The following PMS1 variants were observed in gnomAD, a reference collection of about 807,000 sequenced individuals.
PMS1 encodes the protein PMS1 protein homolog 1.
PMS1 carries 79 observed loss-of-function variants against 93.1 expected under a neutral mutation model. The ratio of observed to expected loss-of-function variants is 0.85; its 90% CI spans 0.71 to 1.02. PMS1 has a LOEUF of 1.02. Ranked by LOEUF, PMS1 falls within the 50% of genes least tolerant of loss-of-function variation. The pLI, the probability that PMS1 is intolerant of heterozygous loss-of-function variation, is 0.00. For synonymous variants in PMS1, 335 were observed against 363.4 expected (o/e 0.92, Z 0.89); for missense variants, 1,064 against 1,085.3 (o/e 0.98, Z 0.28).
chr2:189,840,844 A>G (rs1458309101), intron 5 of PMS1, among the ~76,000 whole-genome samples: 1 of 152,190 alleles, frequency 6.6e-6, no homozygotes, highest in Non-Finnish European at 1.5e-5. Context: ...TGAGAACCCC[A>G]GTGTACTCCT....
At chr2:189,796,318 A>G (rs868552868) in intron 3 of PMS1, among the ~76,000 whole-genome samples, 1 of 152,190 alleles carries the variant, frequency 6.6e-6, no homozygotes, top group Non-Finnish European at 1.5e-5. Context: ...AGATCATGCC[A>G]CTGCACTCCC....
At chr2:189,868,394 G>A (rs1420162295) in intron 11 of PMS1, among the ~76,000 whole-genome samples, 2 of 152,134 alleles carry the variant, frequency 1.3e-5, no homozygotes, top group Admixed American at 1.3e-4. Flanking sequence ...CCATGGCTTT[G>A]GTAAAAGACT....
intron 11 of PMS1, among the ~76,000 whole-genome samples, chr2:189,869,972 T>A (rs757047054): frequency 3.3e-5 from 5 of 152,182 alleles, no homozygotes; most frequent in Non-Finnish European, 7.3e-5. Context: ...TTGTAAGTAG[T>A]ATTTTTTTAA....
At position 189,855,070 on chromosome 2, in the gene PMS1, G is replaced by T; in HGVS notation, c.1798G>T (p.Asp600Tyr). The T allele has an allele frequency of 6.2e-7, 1 of 1,613,310 alleles. No homozygotes were observed. Among genetic ancestry groups the T allele is most frequent in the African/African-American group, 1.3e-5 (1 of 75,020 alleles). ...AGAAAATCCTAAGACTAGTTTAGAG[G>T]ATGCAACACTACAAATTGAAGAACT... is the stretch of plus-strand genomic sequence containing the variant. The part of the protein sequence containing the change: ...LIENPKTSLE[D>Y]ATLQIEELWK... The change falls in exon 9 of 13, where the codon GAT becomes TAT. Residue 600 changes from aspartate (D) to tyrosine (Y), a missense_variant. Physicochemically the swap from Asp to Tyr is radical, Grantham distance 160 (BLOSUM62 -3). Coordinates refer to ENST00000441310, the MANE Select transcript of PMS1 (RefSeq NM_000534.5).
At chr2:189,784,959 C>CTAA (rs1341903179) in intron 1 of PMS1, among the ~76,000 whole-genome samples, 1 of 152,202 alleles carries the variant, frequency 6.6e-6, no homozygotes, top group Admixed American at 6.5e-5. Context: ...AAGTTAAACT[C>CTAA]TTTAAAGTTA....
rs768622783 is a variant in PMS1, at chr2:189,864,133, A to T, written c.2247A>T (p.Pro749=). 5.0e-6 allele frequency: 8 copies of T among 1,612,756 alleles called. No individual in the cohort carries two copies. Among genetic ancestry groups the T allele is most frequent in the Non-Finnish European group, 6.8e-6 (8 of 1,179,042 alleles). The change falls in exon 10 of 13, where the codon CCA becomes CCT. Residue 749 remains proline, a synonymous_variant. Transcript: ENST00000441310. ...AAACAGAGGTAATGTTATTAAATCCATATAGAGTAGAAGAAGCCCTGCTAT... is the reference window on the plus strand; with the variant it reads ...AAACAGAGGTAATGTTATTAAATCCTTATAGAGTAGAAGAAGCCCTGCTAT... ...TSKTEVMLLN[P]YRVEEALLFK... is the part of the protein sequence containing the mutation.
At position 189,818,113 on chromosome 2, in the gene PMS1, TC is replaced by T; in HGVS notation, c.517del (p.Gln173LysfsTer5). On this transcript the variant is annotated frameshift_variant, in exon 5 of 13. Coordinates refer to ENST00000441310, the MANE Select transcript of PMS1 (RefSeq NM_000534.5). LOFTEE classifies it high-confidence loss of function. Reference protein sequence around the residue: ...AKKCKDEIKKIQDLLMSFGIL... With the variant: ...AKKCKDEIKKXQDLLMSFGIL... The stretch of plus-strand genomic sequence containing the variant: ...AAATGTAAAGATGAAATAAAAAAGA[TC>T]CAAGATCTCCTCATGAGCTTTGGTA... The T allele has an allele frequency of 7.5e-6, 12 of 1,608,722 alleles. No individual in the cohort carries two copies. Among genetic ancestry groups the T allele is most frequent in the Non-Finnish European group, 9.4e-6 (11 of 1,175,514 alleles).
intron 4 of PMS1, among the ~76,000 whole-genome samples, chr2:189,812,474 A>G (rs2050932651): frequency 6.6e-6 from 1 of 152,220 alleles, no homozygotes; most frequent in Non-Finnish European, 1.5e-5. Flanking sequence ...ATGATTCTAC[A>G]TGGCAACCTG....
chr2:189,848,930 G>T, intron 6 of PMS1, among the ~76,000 whole-genome samples: 1 of 152,134 alleles, frequency 6.6e-6, no homozygotes, highest in East Asian at 1.9e-4. Flanking sequence ...GCCACTGCTG[G>T]TTAGTGGTTG....
At chr2:189,838,465 C>T (rs944009754) in intron 5 of PMS1, among the ~76,000 whole-genome samples, 1 of 152,156 alleles carries the variant, frequency 6.6e-6, no homozygotes, top group African/African-American at 2.4e-5. Flanking sequence ...AAGCTGAACT[C>T]ATCATCTTCC....
At chr2:189,844,122 T>C (rs752332605) in intron 6 of PMS1, 42 bp downstream of exon 6, 1 of 1,610,524 alleles carries the variant, frequency 6.2e-7, no homozygotes, top group Admixed American at 1.7e-5. Flanking sequence ...GATTTACTCA[T>C]GAAGCTGTTC....
At chr2:189,795,739 A>G (rs980611409) in intron 2 of PMS1, 30 bp from the exon 3 acceptor site, 8 of 1,531,086 alleles carry the variant, frequency 5.2e-6, no homozygotes, top group Non-Finnish European at 7.2e-6. Context: ...ATATTTTTAC[A>G]TATTAAAAGT....
chr2:189,797,916 G>A (rs1013288076), intron 3 of PMS1, among the ~76,000 whole-genome samples: 1 of 152,188 alleles, frequency 6.6e-6, no homozygotes, highest in Non-Finnish European at 1.5e-5. Context: ...TGACTTATGA[G>A]GGGATTACAT....
chr2:189,818,305 G>A, intron 5 of PMS1, 125 bp downstream of exon 5: 2 of 674,756 alleles, frequency 3.0e-6, no homozygotes, highest in Non-Finnish European at 5.2e-6. Flanking sequence ...TTTATTTGTT[G>A]AAAACCTAAC....
At chr2:189,870,040 A>G (rs112059008) in intron 11 of PMS1, among the ~76,000 whole-genome samples, 41 of 150,984 alleles carry the variant, frequency 2.7e-4, no homozygotes, top group African/African-American at 9.2e-4. Context: ...TGATTAAGTC[A>G]CCTGTAAACT....
chr2:189,788,723 A>G (rs2048587989), intron 1 of PMS1, among the ~76,000 whole-genome samples: 1 of 152,200 alleles, frequency 6.6e-6, no homozygotes, highest in Non-Finnish European at 1.5e-5. Flanking sequence ...TCCTATAATC[A>G]ATGTAAAAAA....
chr2:189,784,467 A>C lies in PMS1; in HGVS notation c.-147A>C, dbSNP rs1213263443. The C allele has an allele frequency of 6.6e-6, 1 of 152,344 alleles. No individual in the cohort carries two copies. Among genetic ancestry groups the C allele is most frequent in the Non-Finnish European group, 1.5e-5 (1 of 68,156 alleles). The allele number at this position is 152,344 out of a possible 1,614,324, so 9.4% of individuals were successfully genotyped here. ...CGGGACTCAGTGCCGCGCTCTCTGC[A>C]CCCGCTCTGCCGCGCGCGTGCGTGC... On this transcript the variant is annotated 5_prime_UTR_variant, in exon 1 of 13. Coordinates refer to ENST00000441310, the MANE Select transcript of PMS1 (RefSeq NM_000534.5).
chr2:189,811,832 C>CT (rs1221852870), intron 4 of PMS1, among the ~76,000 whole-genome samples: 1 of 151,894 alleles, frequency 6.6e-6, no homozygotes, highest in Non-Finnish European at 1.5e-5. Context: ...AGTGTTTTTT[C>CT]TTTTTTAGAG....
At chr2:189,800,494 T>A (rs1404585143) in intron 3 of PMS1, among the ~76,000 whole-genome samples, 1 of 152,148 alleles carries the variant, frequency 6.6e-6, no homozygotes, top group Non-Finnish European at 1.5e-5. Context: ...TAAATATTTT[T>A]AAATAAGACT....
Sources: allele counts gnomAD v4.1 joint callset (sites outside exome capture counted in the v4.1 genomes callset), GRCh38; gene constraint gnomAD v4.1.1; transcripts MANE v1.5; gene names NCBI Gene and HGNC (gene_info 2026-07-23, HGNC 2026-07-21).